MARK2: variants seen among roughly 807,000 people sequenced by gnomAD.
MARK2 encodes serine/threonine-protein kinase MARK2.
In MARK2, 16 loss-of-function variants were observed where a neutral mutation model predicts 89.8. The observed-to-expected ratio is 0.18, with a 90% CI of 0.12 to 0.27. The LOEUF is 0.27. MARK2 is among the 10% of genes least tolerant of loss of function. MARK2 has a pLI of 1.00. For missense variants in MARK2, 621 were observed against 1,049.9 expected, an observed-to-expected ratio of 0.59 and a Z score of 5.65; for synonymous variants, 382 against 399.5, an observed-to-expected ratio of 0.96 and a Z score of 0.52.
intron 1 of MARK2, among the ~76,000 whole-genome samples, chr11:63,892,715 C>T (rs1046364453): frequency 7.1e-6 from 1 of 141,136 alleles, no homozygotes; most frequent in African/African-American, 2.6e-5. Context: ...AGGAGTTAGA[C>T]CAGACTCTGC....
chr11:63,839,650 TGCTGCCATCCTGCAAGCCTCGGCTGC>T (rs1473333139), intron 1 of MARK2, 90 bp downstream of exon 1: 1 of 836,142 alleles, frequency 1.2e-6, no homozygotes, highest in East Asian at 3.0e-5. Context: ...CTCGTGCCCC[TGCTGCCATCCTGCAAGCCTCGGCTGC>T]CCTGTCATCC....
Position 63,903,422 on chromosome 11 carries a change from G to A in MARK2, c.1514+264G>A, listed in dbSNP as rs974727913. The stretch of plus-strand genomic sequence containing the variant: ...AGCTACATGCTCGCTTCTTGACCAC[G>A]GCCAGGGCATGGCAGCTGCCCTCCT... On this transcript the variant is annotated intron_variant, in intron 14 of 18. Coordinates refer to ENST00000402010, the MANE Select transcript of MARK2 (RefSeq NM_001039469.3). The surrounding 1 kb of genome is among the most constrained non-coding windows in gnomAD (Gnocchi z 5.1). 7 of 487,950 alleles carry A rather than the reference G, an allele frequency of 1.4e-5. No homozygotes were observed. The highest frequency in any genetic ancestry group is 7.7e-5 in the East Asian group (2 of 25,898). 30.2% of individuals were successfully genotyped at this position (487,950 alleles called of 1,614,324 possible).
Position 63,898,682 on chromosome 11 carries a change from G to A in MARK2, c.403+9G>A. 1 of 1,613,420 alleles carries A rather than the reference G, an allele frequency of 6.2e-7. No individual in the cohort carries two copies. The highest frequency in any genetic ancestry group is 8.5e-7 in the Non-Finnish European group (1 of 1,179,302). On this transcript the variant is annotated intron_variant, in intron 5 of 18. Coordinates refer to ENST00000402010, the MANE Select transcript of MARK2 (RefSeq NM_001039469.3). Reference sequence around the variant, plus strand: ...GGAGTACGCTAGTGGCGGTAGGTGTGGAACTGCCTCTTCCTGTTGTGCCCC... The same window carrying A: ...GGAGTACGCTAGTGGCGGTAGGTGTAGAACTGCCTCTTCCTGTTGTGCCCC...
At position 63,900,823 on chromosome 11, in the gene MARK2, A is replaced by G; in HGVS notation, c.932A>G (p.Asp311Gly). The G allele has an allele frequency of 6.2e-7, 1 of 1,614,164 alleles. No homozygotes were observed. Residue 311 changes from aspartate to glycine, a missense_variant, in exon 10 of 19, where the codon GAT becomes GGT. This residue lies in a region of MARK2 where 397 missense variants were observed against 567.8 expected (regional missense o/e 0.70). Transcript: ENST00000402010. This position sits in a 1 kb window ranked among gnomAD's most constrained non-coding sequence, Gnocchi z 4.7. Reference sequence around the variant, plus strand: ...TGGATGAATGTGGGTCACGAAGATGATGAACTAAAGCCTTACGTGGAGCCA... The same window carrying G: ...TGGATGAATGTGGGTCACGAAGATGGTGAACTAAAGCCTTACGTGGAGCCA... ...DRWMNVGHED[D>G]ELKPYVEPLP...
In MARK2 at chr11:63,900,842, G is replaced by A; in HGVS notation, c.951G>A (p.Val317=). ...GHEDDELKPY[V]EPLPDYKDPR... ...AAGATGATGAACTAAAGCCTTACGT[G>A]GAGCCACTCCCTGACTACAAGGACC... Residue 317 remains valine (V), a synonymous_variant, in exon 10 of 19, where the codon GTG becomes GTA. Transcript: ENST00000402010. The surrounding 1 kb of genome is among the most constrained non-coding windows in gnomAD (Gnocchi z 4.7). 6.2e-7 allele frequency: 1 copy of A among 1,614,202 alleles called. No homozygotes were observed. Among genetic ancestry groups the A allele is most frequent in the Non-Finnish European group, 8.5e-7 (1 of 1,180,034 alleles).
At chr11:63,853,026 G>A (rs1330663137) in intron 1 of MARK2, among the ~76,000 whole-genome samples, 1 of 152,214 alleles carries the variant, frequency 6.6e-6, no homozygotes, top group African/African-American at 2.4e-5. Context: ...TTGAACAGCT[G>A]ACATTCCTGA....
intron 1 of MARK2, among the ~76,000 whole-genome samples, chr11:63,859,257 C>A (rs1482918170): frequency 6.6e-6 from 1 of 151,882 alleles, no homozygotes; most frequent in African/African-American, 2.4e-5. Flanking sequence ...TGAGACCTGA[C>A]ATACTTTGTT....
intron 1 of MARK2, chr11:63,890,224 G>T: frequency 7.5e-7 from 1 of 1,342,264 alleles, no homozygotes; most frequent in Non-Finnish European, 9.8e-7. Flanking sequence ...CCTTCCAGTG[G>T]CTTGCCTCCT....
chr11:63,870,368 C>T (rs1399420906), intron 1 of MARK2, among the ~76,000 whole-genome samples: 4 of 152,076 alleles, frequency 2.6e-5, no homozygotes, highest in Admixed American at 6.5e-5. Flanking sequence ...CCGTGGCGCC[C>T]GGCTGGGAAT....
intron 1 of MARK2, among the ~76,000 whole-genome samples, chr11:63,865,352 C>T (rs1412549051): frequency 6.6e-6 from 1 of 152,196 alleles, no homozygotes; most frequent in Non-Finnish European, 1.5e-5. Flanking sequence ...GACCCTCCCA[C>T]CTCAGCCTCC....
Position 63,903,945 on chromosome 11 carries a change from T to C in MARK2, c.1515-41T>C. 1 of 1,540,090 alleles carries C rather than the reference T, an allele frequency of 6.5e-7. No individual in the cohort carries two copies. The highest frequency in any genetic ancestry group is 8.8e-7 in the Non-Finnish European group (1 of 1,139,178). ...CCTAATCCAGGCCTCCCGCCCTCAC[T>C]CACCCCTAACACGGGCCTCTCCGCT... On this transcript the variant is annotated intron_variant, in intron 14 of 18. Coordinates refer to ENST00000402010, the MANE Select transcript of MARK2 (RefSeq NM_001039469.3). This position sits in a 1 kb window ranked among gnomAD's most constrained non-coding sequence, Gnocchi z 5.1.
At chr11:63,906,153 G>GTGTC in intron 17 of MARK2, 39 bp downstream of exon 17, 2 of 1,287,712 alleles carry the variant, frequency 1.6e-6, no homozygotes, top group Non-Finnish European at 2.0e-6. Flanking sequence ...GTGTGTGTGT[G>GTGTC]TGTCTGTGTC....
chr11:63,906,035 GTTTT>G (rs913291867), intron 16 of MARK2, 49 bp from the exon 17 acceptor site: 5 of 1,214,788 alleles, frequency 4.1e-6, no homozygotes, highest in Non-Finnish European at 3.2e-6. Flanking sequence ...CGTCTTGTTG[GTTTT>G]TTTTTTATTT....
At chr11:63,862,460 T>G (rs1937859888) in intron 1 of MARK2, among the ~76,000 whole-genome samples, 1 of 95,084 alleles carries the variant, frequency 1.1e-5, no homozygotes, top group Non-Finnish European at 2.4e-5. Flanking sequence ...GCAGATGTCT[T>G]GCAGCGGAAT....
chr11:63,857,161 TA>T (rs1187086902), intron 1 of MARK2, among the ~76,000 whole-genome samples: 7 of 151,938 alleles, frequency 4.6e-5, no homozygotes, highest in Non-Finnish European at 2.9e-5. Context: ...TTTCTTTCTT[TA>T]ATTTGTTAGT....
At chr11:63,877,639 G>T (rs566756670) in intron 1 of MARK2, among the ~76,000 whole-genome samples, 1 of 152,112 alleles carries the variant, frequency 6.6e-6, no homozygotes, top group African/African-American at 2.4e-5. Flanking sequence ...GGTCGAGGCT[G>T]TAGTGAGCCA....
intron 16 of MARK2, among the ~76,000 whole-genome samples, 187 bp downstream of exon 16, chr11:63,905,230 C>G (rs1828220108): frequency 6.6e-6 from 1 of 152,088 alleles, no homozygotes; most frequent in Admixed American, 6.5e-5. Flanking sequence ...CCAGGCCCAC[C>G]CCTCTTAGGC....
intron 1 of MARK2, among the ~76,000 whole-genome samples, chr11:63,870,544 C>T (rs1437686717): frequency 6.6e-6 from 1 of 151,982 alleles, no homozygotes; most frequent in African/African-American, 2.4e-5. Flanking sequence ...TTCTGGAGAG[C>T]CTGTTAGGTG....
Position 63,870,359 on chromosome 11 carries a change from C to A in MARK2, c.55-24800C>A, listed in dbSNP as rs148329716. On this transcript the variant is annotated intron_variant, in intron 1 of 18. Transcript: ENST00000402010. The stretch of plus-strand genomic sequence containing the variant: ...GAGTGTTGGGATTGCAGACATGAGC[C>A]GTGGCGCCCGGCTGGGAATGATTTA... Among the ~76,000 whole-genome samples the A allele has an allele frequency of 1.2e-3, 183 of 152,214 alleles. 1 individual carries two copies. Among genetic ancestry groups the A allele is most frequent in the African/African-American group, 4.3e-3 (179 of 41,522 alleles).
Sources: allele counts gnomAD v4.1 joint callset (sites outside exome capture counted in the v4.1 genomes callset), GRCh38; gene constraint gnomAD v4.1.1; regional missense constraint gnomAD v4.1.1; non-coding constraint Gnocchi (gnomAD v3.1); transcripts MANE v1.5; gene names NCBI Gene and HGNC (gene_info 2026-07-23, HGNC 2026-07-21).